The following TMEM175 variants were observed in gnomAD, a reference collection of about 807,000 sequenced individuals.
TMEM175 encodes endosomal/lysosomal proton channel TMEM175.
In TMEM175, 36 loss-of-function variants were observed where a neutral mutation model predicts 36.5. The ratio of observed to expected loss-of-function variants is 0.99; its 90% CI spans 0.76 to 1.30. The LOEUF (loss-of-function observed/expected upper bound fraction) is 1.30, where lower values mean the gene tolerates loss of function less well. Among genes scored for constraint, TMEM175 ranks in the 50% most tolerant of loss-of-function variants. The probability of loss-of-function intolerance (pLI) is 0.00; values close to 1 mark genes in which losing one functional copy is unlikely to be tolerated. For missense variants in TMEM175, 705 were observed against 692.8 expected (o/e 1.02, Z -0.20); for synonymous variants, 339 against 313.4 (o/e 1.08, Z -0.86).
intron 6 of TMEM175, 96 bp downstream of exon 6, chr4:951,813 C>G: frequency 7.6e-7 from 1 of 1,310,656 alleles, no homozygotes; most frequent in Non-Finnish European, 1.1e-6. Flanking sequence ...GGCCCAGGGC[C>G]CAGGCCACAC....
At chr4:935,138 C>T (rs1436355212) in intron 1 of TMEM175, among the ~76,000 whole-genome samples, 12 of 152,210 alleles carry the variant, frequency 7.9e-5, no homozygotes, top group Non-Finnish European at 1.6e-4. Flanking sequence ...ACTGGCATGA[C>T]CTGGGATCAG....
chr4:947,008 C>T (rs866502878), intron 1 of TMEM175, among the ~76,000 whole-genome samples: 8 of 146,328 alleles, frequency 5.5e-5, no homozygotes, highest in East Asian at 2.1e-4. Context: ...CGAGGGAGAG[C>T]GCGGCCCCTG....
intron 1 of TMEM175, among the ~76,000 whole-genome samples, chr4:945,301 GTC>G (rs142821586): frequency 0.036 from 5,532 of 151,994 alleles, 180 homozygotes; most frequent in East Asian, 0.16. Context: ...GGCCCCCGCC[GTC>G]TCTGTCTCCT....
In TMEM175 at chr4:952,267, C is replaced by T. The variant is rs1040717009; in HGVS notation, c.379-100C>T. On this transcript the variant is annotated intron_variant, in intron 6 of 10. Coordinates refer to ENST00000264771, the MANE Select transcript of TMEM175 (RefSeq NM_032326.4). ...GTGATGGCCCCACCGCATCTCCCAG[C>T]GTCCCGTGGAGTGGGGAGGCTCACC... is the stretch of plus-strand genomic sequence containing the variant. 26 of 1,046,478 alleles carry T rather than the reference C, an allele frequency of 2.5e-5. 1 individual carries two copies. Among genetic ancestry groups the T allele is most frequent in the South Asian group, 1.4e-4 (11 of 76,672 alleles). 64.8% of individuals were successfully genotyped at this position (1,046,478 alleles called of 1,614,324 possible).
chr4:940,529 G>T (rs549892454), intron 1 of TMEM175, among the ~76,000 whole-genome samples: 1 of 151,912 alleles, frequency 6.6e-6, no homozygotes. Flanking sequence ...GATTTTTAGG[G>T]TGTTTAAACT....
chr4:954,029 G>C (rs940660634), intron 8 of TMEM175, among the ~76,000 whole-genome samples: 1 of 150,418 alleles, frequency 6.6e-6, no homozygotes, highest in Non-Finnish European at 1.5e-5. Flanking sequence ...GAGTTTTGCT[G>C]CCAGGCTGGA....
In TMEM175 at chr4:932,583, A is replaced by C; in HGVS notation, c.-32+43A>C. On this transcript the variant is annotated intron_variant, in intron 1 of 10. Coordinates refer to ENST00000264771, the MANE Select transcript of TMEM175 (RefSeq NM_032326.4). The surrounding 1 kb of genome is among the most constrained non-coding windows in gnomAD (Gnocchi z 4.0). ...TCCAGCTCCCGGTACCGTTCCCCAC[A>C]TGGTCTGTTTTGTGGGAGGCTCCTT... The C allele has an allele frequency of 3.3e-5, 13 of 395,112 alleles. No individual in the cohort carries two copies. Among genetic ancestry groups the C allele is most frequent in the East Asian group, 1.2e-4 (3 of 25,960 alleles). The allele number at this position is 395,112 out of a possible 1,614,324, so 24.5% of individuals were successfully genotyped here.
chr4:958,281 T>C lies in TMEM175; in HGVS notation c.1300T>C (p.Phe434Leu). The change falls in exon 11 of 11, where the codon TTC becomes CTC. Residue 434 changes from phenylalanine to leucine, a missense_variant. By Grantham distance (22) the Phe-to-Leu change is conservative. Transcript: ENST00000264771. ...ALYPCASLLA[F>L]ASTCLLSRFS... is the part of the protein sequence containing the mutation. ...GTACCCCTGTGCCAGCCTGCTGGCC[T>C]TCGCCTCCACCTGCCTGCTGAGCAG... The C allele has an allele frequency of 6.2e-7, 1 of 1,606,396 alleles. No homozygotes were observed. Among genetic ancestry groups the C allele is most frequent in the Non-Finnish European group, 8.5e-7 (1 of 1,179,632 alleles).
At chr4:950,934 CAAT>C (rs1728811921) in intron 4 of TMEM175, among the ~76,000 whole-genome samples, 1 of 145,748 alleles carries the variant, frequency 6.9e-6, no homozygotes, top group Non-Finnish European at 1.5e-5. Context: ...GTGGATGGTG[CAAT>C]AGGTGGAGGT....
intron 4 of TMEM175, among the ~76,000 whole-genome samples, 198 bp downstream of exon 4, chr4:950,716 C>CAGTAGGCGGAGGTGTGGAT: frequency 1.9e-5 from 1 of 51,910 alleles, no homozygotes; most frequent in Admixed American, 1.5e-4. Context: ...GAGGTGTGGA[C>CAGTAGGCGGAGGTGTGGAT]GGTGCAGTAG....
chr4:955,541 G>T (rs918918080), intron 9 of TMEM175, 58 bp downstream of exon 9: 1 of 1,556,188 alleles, frequency 6.4e-7, no homozygotes, highest in South Asian at 1.1e-5. Flanking sequence ...ACCTCCGTGC[G>T]GCTGCTCCGC....
rs537974491 is a variant in TMEM175, at chr4:958,106, C to T, written c.1125C>T (p.Arg375=). 81 of 1,605,052 alleles carry T rather than the reference C, an allele frequency of 5.0e-5. No homozygotes were observed. The highest frequency in any genetic ancestry group is 5.8e-5 in the Non-Finnish European group (69 of 1,179,804). ...FARQPRDELE[R]VRVSCTIIFL... ...GGCAGCCCCGCGATGAGCTGGAGCGCGTGCGTGTCAGCTGCACCATCATCT... is the reference window on the plus strand; with the variant it reads ...GGCAGCCCCGCGATGAGCTGGAGCGTGTGCGTGTCAGCTGCACCATCATCT... Residue 375 remains arginine, a synonymous_variant, in exon 11 of 11, where the codon CGC becomes CGT. Coordinates refer to ENST00000264771, the MANE Select transcript of TMEM175 (RefSeq NM_032326.4).
At chr4:951,329 G>A in intron 5 of TMEM175, 71 bp downstream of exon 5, 1 of 1,558,084 alleles carries the variant, frequency 6.4e-7, no homozygotes, top group Non-Finnish European at 8.9e-7. Flanking sequence ...AAGAGGGGAA[G>A]GGAGCAGCCG....
At chr4:946,853 G>T (rs576026000) in intron 1 of TMEM175, among the ~76,000 whole-genome samples, 8 of 150,862 alleles carry the variant, frequency 5.3e-5, no homozygotes, top group Non-Finnish European at 1.0e-4. Context: ...ACAGCCCCAG[G>T]CACGCGTGCA....
At chr4:948,463 G>A in intron 3 of TMEM175, 2 of 1,465,976 alleles carry the variant, frequency 1.4e-6, no homozygotes, top group Middle Eastern at 1.8e-4. Flanking sequence ...GGAAGAGGAA[G>A]GTTCCGGGCC....
chr4:947,080 T>C (rs1168875434), intron 1 of TMEM175, among the ~76,000 whole-genome samples: 4 of 112,594 alleles, frequency 3.6e-5, no homozygotes, highest in African/African-American at 3.5e-5. Context: ...GCGGCCCCTG[T>C]AGAGAACAGA....
chr4:956,296 G>A, intron 10 of TMEM175: 1 of 1,281,470 alleles, frequency 7.8e-7, no homozygotes, highest in Non-Finnish European at 1.0e-6. Context: ...CTCCCTCCCA[G>A]TGCCCCCCAT....
At chr4:940,442 C>T (rs1229406427) in intron 1 of TMEM175, among the ~76,000 whole-genome samples, 2 of 96,384 alleles carry the variant, frequency 2.1e-5, no homozygotes, top group Admixed American at 1.3e-4. Context: ...GAGTGAAACT[C>T]GATCTCAAAA....
Position 932,512 on chromosome 4 carries a change from G to T in TMEM175, c.-60G>T. 1 of 461,192 alleles carries T rather than the reference G, an allele frequency of 2.2e-6. No homozygotes were observed. The highest frequency in any genetic ancestry group is 3.8e-6 in the Non-Finnish European group (1 of 265,958). 28.6% of individuals were successfully genotyped at this position (461,192 alleles called of 1,614,324 possible). A position where few individuals can be genotyped will look rare whatever the true frequency, so the allele number is the denominator to read the frequency against. On this transcript the variant is annotated 5_prime_UTR_variant, in exon 1 of 11. Transcript: ENST00000264771. The surrounding 1 kb of genome is among the most constrained non-coding windows in gnomAD (Gnocchi z 4.0). The stretch of plus-strand genomic sequence containing the variant: ...GGGCTGACTCAAGCGGAGGCGCGCG[G>T]AACAGTCGCCGAGGCGATTCCCGCC...
Sources: gnomAD v4.1 joint callset for allele counts (sites outside exome capture counted in the v4.1 genomes callset) on GRCh38, gnomAD v4.1.1 for gene constraint, Gnocchi (gnomAD v3.1) non-coding constraint, MANE v1.5 for transcripts, NCBI Gene and HGNC (gene_info 2026-07-23, HGNC 2026-07-21) for gene names.